The following RAI2 variants were observed in gnomAD, a reference collection of about 807,000 sequenced individuals.
RAI2 encodes retinoic acid-induced protein 2.
In RAI2, 5 loss-of-function variants were observed where a neutral mutation model predicts 15.3. The observed-to-expected ratio is 0.33, with a 90% CI of 0.17 to 0.69. The LOEUF (loss-of-function observed/expected upper bound fraction) is 0.69, where lower values mean the gene tolerates loss of function less well. Among genes scored for constraint, RAI2 ranks in the 30% least tolerant of loss-of-function variants. The pLI, the probability that RAI2 is intolerant of heterozygous loss-of-function variation, is 0.69. For synonymous variants in RAI2, 191 were observed against 184.0 expected, an observed-to-expected ratio of 1.04 and a Z score of -0.31; for missense variants, 424 against 424.7, an observed-to-expected ratio of 1.00 and a Z score of 0.01.
At chrX:17,857,335 A>C (rs1417007060) in intron 1 of RAI2, among the ~76,000 whole-genome samples, 2 of 111,715 alleles carry the variant, frequency 1.8e-5, no homozygotes, top group Non-Finnish European at 3.8e-5. Flanking sequence ...CAGAATTTCT[A>C]GGAGTTTGAA....
chrX:17,816,293 C>T (rs1007906257), intron 1 of RAI2, among the ~76,000 whole-genome samples: 9 of 111,368 alleles, frequency 8.1e-5, no homozygotes, highest in African/African-American at 2.3e-4. Flanking sequence ...TGTGAATCCC[C>T]GGGAATGGTT....
intron 1 of RAI2, among the ~76,000 whole-genome samples, chrX:17,815,788 G>T (rs991942738): frequency 1.8e-4 from 20 of 111,208 alleles, no homozygotes; most frequent in African/African-American, 5.6e-4. Context: ...AATTAATTTT[G>T]CACCAACCTA....
At chrX:17,813,426 G>A (rs1269446431) in intron 1 of RAI2, among the ~76,000 whole-genome samples, 1 of 111,495 alleles carries the variant, frequency 9.0e-6, no homozygotes, top group Non-Finnish European at 1.9e-5. Flanking sequence ...ATAAAGCTAT[G>A]GACAAAGAAA....
chrX:17,816,031 T>TTTCA (rs1454938134), intron 1 of RAI2, among the ~76,000 whole-genome samples: 1 of 110,120 alleles, frequency 9.1e-6, no homozygotes, highest in East Asian at 2.9e-4. Flanking sequence ...TCTTTCTTTC[T>TTTCA]TTCATTCTTT....
chrX:17,845,036 T>C (rs1168710001), intron 1 of RAI2, among the ~76,000 whole-genome samples: 1 of 112,126 alleles, frequency 8.9e-6, no homozygotes, highest in African/African-American at 3.2e-5. Flanking sequence ...TGCTTAAAAA[T>C]TGACCTATTT....
rs146679564 is a variant in RAI2, at chrX:17,827,883, C to T, written c.-24-25849G>A. On this transcript the variant is annotated intron_variant, in intron 1 of 1. Coordinates refer to ENST00000451717, the MANE Select transcript of RAI2 (RefSeq NM_021785.6). ...TTGAAGCTTGGGGGTCCATTTCCAA[C>T]CCAGTATCCCTACCCCTGCAGGAGA... Among the ~76,000 whole-genome samples the T allele has an allele frequency of 3.9e-4, 43 of 111,408 alleles. No homozygotes were observed. In the East Asian group the frequency reaches 7.6e-3, roughly 20 times the overall value.
chrX:17,836,279 G>A (rs2067333421), intron 1 of RAI2, among the ~76,000 whole-genome samples: 1 of 111,241 alleles, frequency 9.0e-6, no homozygotes, highest in Admixed American at 9.5e-5. Flanking sequence ...GTTATGTCCT[G>A]TCATAAGTTG....
At chrX:17,802,730 G>A (rs2066930466) in intron 1 of RAI2, among the ~76,000 whole-genome samples, 2 of 111,375 alleles carry the variant, frequency 1.8e-5, no homozygotes, top group Non-Finnish European at 1.9e-5. Flanking sequence ...CTGATCTGTG[G>A]CCTCTCCTAA....
At chrX:17,818,895 T>C (rs1405035273) in intron 1 of RAI2, among the ~76,000 whole-genome samples, 3 of 112,983 alleles carry the variant, frequency 2.7e-5, no homozygotes, top group Non-Finnish European at 5.6e-5. Context: ...TCACGGGCTG[T>C]TCTGTGCCTG....
At chrX:17,821,214 A>C (rs2067161439) in intron 1 of RAI2, among the ~76,000 whole-genome samples, 1 of 112,081 alleles carries the variant, frequency 8.9e-6, no homozygotes, top group Non-Finnish European at 1.9e-5. Context: ...ATATTATCCA[A>C]TTTAAAATAA....
At chrX:17,817,836 A>G (rs2067123403) in intron 1 of RAI2, among the ~76,000 whole-genome samples, 1 of 112,487 alleles carries the variant, frequency 8.9e-6, no homozygotes, top group African/African-American at 3.2e-5. Flanking sequence ...TCTATAGGAA[A>G]GGTCCCTGTA....
At position 17,829,208 on chromosome X, in the gene RAI2, C is replaced by G. The variant is rs1225053129; in HGVS notation, c.-24-27174G>C. ...ATTGGATTTTAAAATTGGGCTTCAGCTAATGAATACATGTGCAATCCAGAG... is the reference window on the plus strand; with the variant it reads ...ATTGGATTTTAAAATTGGGCTTCAGGTAATGAATACATGTGCAATCCAGAG... On this transcript the variant is annotated intron_variant, in intron 1 of 1. Coordinates refer to ENST00000451717, the MANE Select transcript of RAI2 (RefSeq NM_021785.6). Among the ~76,000 whole-genome samples the G allele has an allele frequency of 6.0e-5, 6 of 100,567 alleles. 2 individuals carry two copies. In the East Asian group the frequency reaches 1.9e-3, roughly 32 times the overall value. 87.3% of individuals were successfully genotyped at this position (100,567 alleles called of 115,157 possible). A position where few individuals can be genotyped will look rare whatever the true frequency, so the allele number is the denominator to read the frequency against.
chrX:17,860,242 C>T (rs2067670262), intron 1 of RAI2, among the ~76,000 whole-genome samples: 1 of 112,473 alleles, frequency 8.9e-6, no homozygotes, highest in Non-Finnish European at 1.9e-5. Context: ...GCCATTTCCC[C>T]ACCCAGGCGG....
intron 1 of RAI2, among the ~76,000 whole-genome samples, chrX:17,803,947 T>TTC (rs1347837433): frequency 9.0e-6 from 1 of 110,793 alleles, no homozygotes; most frequent in African/African-American, 3.3e-5. Flanking sequence ...TTTTTTTTTT[T>TTC]TTCTTTTTTC....
intron 1 of RAI2, among the ~76,000 whole-genome samples, chrX:17,825,276 T>C (rs773312352): frequency 8.8e-6 from 1 of 113,017 alleles, no homozygotes; most frequent in Non-Finnish European, 1.9e-5. Flanking sequence ...ATTTTTTCTA[T>C]GGTCACTTTT....
At chrX:17,849,158 G>C (rs934954167) in intron 1 of RAI2, among the ~76,000 whole-genome samples, 2 of 112,294 alleles carry the variant, frequency 1.8e-5, no homozygotes, top group African/African-American at 3.2e-5. Flanking sequence ...AGGCCTCTGA[G>C]AAAAAGCAGA....
intron 1 of RAI2, among the ~76,000 whole-genome samples, chrX:17,848,952 A>G (rs1390319620): frequency 1.8e-5 from 2 of 112,477 alleles, no homozygotes; most frequent in Non-Finnish European, 3.7e-5. Context: ...AAATGAATGC[A>G]TTCAAGAACA....
chrX:17,860,427 C>T (rs1275634622), intron 1 of RAI2: 2 of 112,789 alleles, frequency 1.8e-5, no homozygotes, highest in Non-Finnish European at 1.9e-5. Flanking sequence ...CCTAACATGG[C>T]AGAAAGCCCG....
At chrX:17,827,686 G>A (rs1248922985) in intron 1 of RAI2, among the ~76,000 whole-genome samples, 3 of 112,224 alleles carry the variant, frequency 2.7e-5, no homozygotes, top group Non-Finnish European at 5.6e-5. Context: ...AGTGTCTACT[G>A]CCACAGCACC....
Sources: allele counts gnomAD v4.1 joint callset (sites outside exome capture counted in the v4.1 genomes callset), GRCh38; gene constraint gnomAD v4.1.1; transcripts MANE v1.5; gene names NCBI Gene and HGNC (gene_info 2026-07-23, HGNC 2026-07-21).